Variants in PYGO1 observed in about 807,000 individuals in gnomAD.
PYGO1 encodes the protein pygopus homolog 1.
In PYGO1, 6 loss-of-function variants were observed where a neutral mutation model predicts 29.5. The ratio of observed to expected loss-of-function variants is 0.20; its 90% confidence interval spans 0.11 to 0.40. PYGO1 has a LOEUF of 0.40. Ranked by LOEUF, PYGO1 falls within the 10% of genes least tolerant of loss-of-function variation. PYGO1 has a pLI of 1.00. For missense variants in PYGO1, 515 were observed against 514.9 expected, an observed-to-expected ratio of 1.00 and a Z score of 0.00; for synonymous variants, 186 against 180.5, an observed-to-expected ratio of 1.03 and a Z score of -0.24.
chr15:55,578,400 T>C (rs1319242492), intron 1 of PYGO1, among the ~76,000 whole-genome samples: 5 of 152,146 alleles, frequency 3.3e-5, no homozygotes, highest in East Asian at 1.9e-4. Flanking sequence ...CTGGGTCACA[T>C]AGCAATTTTA....
In PYGO1 at chr15:55,546,479, C is replaced by T; in HGVS notation, c.804G>A (p.Gln268=). ...PHLNMDDTVN[Q]SNIELKNVNR... The stretch of plus-strand genomic sequence containing the variant: ...TAACATTTTTTAATTCAATATTACT[C>T]TGATTCACTGTGTCATCCATATTCA... Residue 268 remains glutamine, a synonymous_variant, in exon 3 of 3, where the codon CAG becomes CAA. Transcript: ENST00000563719. The T allele has an allele frequency of 6.2e-7, 1 of 1,614,038 alleles. No individual in the cohort carries two copies. Among genetic ancestry groups the T allele is most frequent in the Non-Finnish European group, 8.5e-7 (1 of 1,180,008 alleles).
chr15:55,575,917 C>A (rs1191084369), intron 1 of PYGO1, among the ~76,000 whole-genome samples: 4 of 152,156 alleles, frequency 2.6e-5, no homozygotes, highest in Non-Finnish European at 4.4e-5. Context: ...ATAATTTCAG[C>A]CACAATCCTT....
At chr15:55,588,939 G>T (rs1469860796), upstream of PYGO1, 4 of 1,245,846 alleles carry the variant, frequency 3.2e-6, no homozygotes, top group Non-Finnish European at 4.7e-6. Context: ...GTATTTTAAC[G>T]ACTTGACTCT....
chr15:55,561,126 T>C (rs572543104), intron 1 of PYGO1, among the ~76,000 whole-genome samples: 2 of 152,248 alleles, frequency 1.3e-5, no homozygotes, highest in South Asian at 4.1e-4. Flanking sequence ...ATGGTACTTA[T>C]ACAAAAACAG....
chr15:55,562,820 G>C (rs1404641262), intron 1 of PYGO1, among the ~76,000 whole-genome samples: 1 of 152,118 alleles, frequency 6.6e-6, no homozygotes, highest in Non-Finnish European at 1.5e-5. Flanking sequence ...AAAGGAATGA[G>C]AACAAGTCCT....
At chr15:55,549,493 C>T (rs2058869334) in intron 1 of PYGO1, among the ~76,000 whole-genome samples, 1 of 152,158 alleles carries the variant, frequency 6.6e-6, no homozygotes, top group Non-Finnish European at 1.5e-5. Context: ...AGTGTGACTA[C>T]ACCATGATTC....
chr15:55,546,932 TG>T lies in PYGO1; in HGVS notation c.350del (p.Pro117HisfsTer49). 1 of 1,614,084 alleles carries T rather than the reference TG, an allele frequency of 6.2e-7. No individual in the cohort carries two copies. Among genetic ancestry groups the T allele is most frequent in the Non-Finnish European group, 8.5e-7 (1 of 1,179,996 alleles). ...TCCTGAGTGAGTAAGGACCACAGTA[TG>T]GGGAAGACATTCTTGGGGGAACGTG... ...PPHVPPRMSS[P>X]YCGPYSLRNQ... On this transcript the variant is annotated frameshift_variant, in exon 3 of 3. Coordinates refer to ENST00000563719, the MANE Select transcript of PYGO1 (RefSeq NM_001367806.1). LOFTEE classifies it high-confidence loss of function.
chr15:55,572,803 C>A (rs1281584384), intron 1 of PYGO1, among the ~76,000 whole-genome samples: 2 of 151,882 alleles, frequency 1.3e-5, no homozygotes, highest in Admixed American at 6.6e-5. Context: ...CACTAGTCAA[C>A]AGGGAAATCA....
chr15:55,549,292 T>C (rs2058868429), intron 1 of PYGO1, among the ~76,000 whole-genome samples: 1 of 152,160 alleles, frequency 6.6e-6, no homozygotes, highest in Non-Finnish European at 1.5e-5. Context: ...TATTACTAGT[T>C]TCTGGCCTAC....
chr15:55,582,550 T>C (rs1000150414), intron 1 of PYGO1, among the ~76,000 whole-genome samples: 24 of 152,170 alleles, frequency 1.6e-4, no homozygotes, highest in Admixed American at 1.3e-4. Context: ...GTGTTTTCAA[T>C]GCTTTTCTCT....
intron 1 of PYGO1, among the ~76,000 whole-genome samples, chr15:55,579,995 C>G (rs577425646): frequency 6.6e-6 from 1 of 152,216 alleles, no homozygotes; most frequent in Non-Finnish European, 1.5e-5. Context: ...CACTGGTCTC[C>G]CACTTACCTC....
intron 1 of PYGO1, among the ~76,000 whole-genome samples, chr15:55,572,028 T>C (rs2141669347): frequency 6.6e-6 from 1 of 152,114 alleles, no homozygotes; most frequent in East Asian, 1.9e-4. Flanking sequence ...CAATATAATC[T>C]CCATCAAAAT....
intron 1 of PYGO1, among the ~76,000 whole-genome samples, chr15:55,586,420 T>C (rs945938454): frequency 6.6e-6 from 1 of 152,190 alleles, no homozygotes; most frequent in Non-Finnish European, 1.5e-5. Context: ...CACCAGGCCC[T>C]CTAATACACA....
chr15:55,563,723 A>T (rs1041723044), intron 1 of PYGO1, among the ~76,000 whole-genome samples: 2 of 152,134 alleles, frequency 1.3e-5, no homozygotes, highest in African/African-American at 2.4e-5. Flanking sequence ...ACTGTACCCG[A>T]CGTGTAGTCT....
chr15:55,578,899 ATCTACC>A (rs566365724), intron 1 of PYGO1, among the ~76,000 whole-genome samples: 1 of 152,334 alleles, frequency 6.6e-6, no homozygotes, highest in Non-Finnish European at 1.5e-5. Context: ...AACTAAGCTT[ATCTACC>A]TCTAAGATAC....
At chr15:55,560,476 C>G (rs4774790) in intron 1 of PYGO1, among the ~76,000 whole-genome samples, 133,964 of 152,188 alleles carry the variant, frequency 0.88, 59,114 homozygotes, top group Admixed American at 0.92. Flanking sequence ...TAACAAGAGA[C>G]GTAAAGGACC....
intron 1 of PYGO1, among the ~76,000 whole-genome samples, chr15:55,563,858 C>T (rs1029623537): frequency 1.3e-5 from 2 of 152,040 alleles, no homozygotes; most frequent in Non-Finnish European, 2.9e-5. Flanking sequence ...AAATTAAAAC[C>T]GCAATGAGAT....
chr15:55,576,032 T>C (rs2059000121), intron 1 of PYGO1, among the ~76,000 whole-genome samples: 1 of 152,232 alleles, frequency 6.6e-6, no homozygotes, highest in South Asian at 2.1e-4. Flanking sequence ...CAATACTTTA[T>C]ATTATTTGTT....
rs1372177590 is a variant in PYGO1 at position 55,557,995 on chromosome 15, C to A, written c.50-9000G>T. On this transcript the variant is annotated intron_variant, in intron 1 of 2. Transcript: ENST00000563719. The stretch of plus-strand genomic sequence containing the variant: ...ACAGCATAGTGTTGGAAGTTCTGGC[C>A]AGGGCAATCAGGCAGTAGAAAGAAA... 2.6e-5 allele frequency among the ~76,000 whole-genome samples: 4 copies of A among 152,212 alleles called. No individual in the cohort carries two copies. In the East Asian group the frequency reaches 7.7e-4, roughly 29 times the overall value.
Sources: allele counts gnomAD v4.1 joint callset (sites outside exome capture counted in the v4.1 genomes callset), GRCh38; gene constraint gnomAD v4.1.1; transcripts MANE v1.5; gene names NCBI Gene and HGNC (gene_info 2026-07-23, HGNC 2026-07-21).